ZBTB20: variants seen among roughly 807,000 people sequenced by gnomAD.
The protein encoded by ZBTB20 is zinc finger and BTB domain containing 20.
A neutral mutation model predicts 56.9 loss-of-function variants in ZBTB20; 9 were observed. The ratio of observed to expected loss-of-function variants is 0.16; its 90% CI spans 0.10 to 0.28. The LOEUF is 0.28. Among genes scored for constraint, ZBTB20 ranks in the 10% least tolerant of loss-of-function variants. The pLI is 1.00. For missense variants in ZBTB20, 655 were observed against 1,003.0 expected, an observed-to-expected ratio of 0.65 and a Z score of 4.69; for synonymous variants, 417 against 420.7, an observed-to-expected ratio of 0.99 and a Z score of 0.11.
chr3:114,394,549 G>T (rs2086173618), intron 7 of ZBTB20, among the ~76,000 whole-genome samples: 1 of 152,146 alleles, frequency 6.6e-6, no homozygotes, highest in South Asian at 2.1e-4. Flanking sequence ...TTGCAGATGA[G>T]AATGTCCTCT....
At chr3:115,084,283 G>GA in intron 1 of ZBTB20, among the ~76,000 whole-genome samples, 1 of 39,350 alleles carries the variant, frequency 2.5e-5, no homozygotes, top group South Asian at 1.6e-3. Flanking sequence ...CATGAAGAGT[G>GA]CCAAAAAAAA....
chr3:115,060,540 CA>C (rs2108474402), intron 2 of ZBTB20, among the ~76,000 whole-genome samples: 1 of 152,224 alleles, frequency 6.6e-6, no homozygotes, highest in Non-Finnish European at 1.5e-5. Flanking sequence ...CTATACTAAG[CA>C]ATTAAGTTCT....
At chr3:114,603,588 T>C (rs2056921903) in intron 6 of ZBTB20, among the ~76,000 whole-genome samples, 1 of 151,906 alleles carries the variant, frequency 6.6e-6, no homozygotes, top group African/African-American at 2.4e-5. Flanking sequence ...CAAACTTCAG[T>C]ATGGCCAAAA....
chr3:114,432,037 T>G (rs1265188771), intron 7 of ZBTB20, among the ~76,000 whole-genome samples: 2 of 152,124 alleles, frequency 1.3e-5, no homozygotes, highest in Non-Finnish European at 2.9e-5. Flanking sequence ...CTCTTTCTTA[T>G]ACAGACAGCA....
intron 3 of ZBTB20, among the ~76,000 whole-genome samples, chr3:114,968,561 T>C (rs1386597284): frequency 6.6e-6 from 1 of 151,902 alleles, no homozygotes; most frequent in Admixed American, 6.6e-5. Flanking sequence ...AGTACACACA[T>C]CCAAAAGGGA....
At chr3:114,796,201 A>C (rs541026271) in intron 5 of ZBTB20, among the ~76,000 whole-genome samples, 1 of 152,086 alleles carries the variant, frequency 6.6e-6, no homozygotes, top group South Asian at 2.1e-4. Flanking sequence ...AGGTCAAGGA[A>C]AGAAGGATTC....
intron 4 of ZBTB20, among the ~76,000 whole-genome samples, chr3:114,842,302 A>G (rs1250694699): frequency 1.3e-5 from 2 of 152,002 alleles, no homozygotes; most frequent in Non-Finnish European, 2.9e-5. Flanking sequence ...TATATTAAAA[A>G]TTTTCTCCAT....
intron 5 of ZBTB20, among the ~76,000 whole-genome samples, chr3:114,776,262 A>G (rs79636381): frequency 2.5e-5 from 3 of 120,680 alleles, no homozygotes; most frequent in Admixed American, 2.4e-4. Context: ...AATTTAAATG[A>G]AAAAAAAAAA....
chr3:115,048,203 C>T (rs1041480173), intron 2 of ZBTB20, among the ~76,000 whole-genome samples: 3 of 151,848 alleles, frequency 2.0e-5, no homozygotes, highest in Admixed American at 6.6e-5. Context: ...CCAGCCTGGG[C>T]GACAGAGCGA....
intron 6 of ZBTB20, among the ~76,000 whole-genome samples, chr3:114,552,335 A>G (rs1245958985): frequency 6.6e-6 from 1 of 152,166 alleles, no homozygotes; most frequent in Non-Finnish European, 1.5e-5. Flanking sequence ...GGTCATGAAG[A>G]GAGAAAACAT....
intron 2 of ZBTB20, among the ~76,000 whole-genome samples, chr3:115,036,635 G>A (rs181406028): frequency 6.6e-6 from 1 of 152,084 alleles, no homozygotes; most frequent in Admixed American, 6.5e-5. Flanking sequence ...GGATGGTCTC[G>A]ATCTCTTGAC....
chr3:114,927,130 C>A (rs931557061), intron 3 of ZBTB20, among the ~76,000 whole-genome samples: 2 of 152,162 alleles, frequency 1.3e-5, no homozygotes, highest in Non-Finnish European at 2.9e-5. Flanking sequence ...CAAAGTCATC[C>A]CTCTGCTCAC....
At chr3:114,691,486 T>C (rs1484205505) in intron 6 of ZBTB20, among the ~76,000 whole-genome samples, 2 of 152,116 alleles carry the variant, frequency 1.3e-5, no homozygotes, top group East Asian at 1.9e-4. Context: ...TTTGAACTTT[T>C]ATTCATTTAT....
chr3:114,389,694 C>A (rs2085600384), intron 7 of ZBTB20, among the ~76,000 whole-genome samples: 2 of 149,202 alleles, frequency 1.3e-5, no homozygotes, highest in South Asian at 4.3e-4. Flanking sequence ...TCGAGACCAT[C>A]CCAGCCAACA....
chr3:114,589,187 T>C (rs2055490937), intron 6 of ZBTB20, among the ~76,000 whole-genome samples: 1 of 152,034 alleles, frequency 6.6e-6, no homozygotes, highest in African/African-American at 2.4e-5. Flanking sequence ...CTTTCTAAAA[T>C]CCCCCCAGTG....
intron 10 of ZBTB20, 134 bp downstream of exon 10, chr3:114,380,083 G>T: frequency 1.1e-6 from 1 of 941,710 alleles, no homozygotes; most frequent in African/African-American, 1.7e-5. Context: ...AATGAAAATG[G>T]TGGCACATTA....
chr3:114,756,764 G>A (rs2056536), intron 5 of ZBTB20, among the ~76,000 whole-genome samples: 123,342 of 152,114 alleles, frequency 0.81, 51,452 homozygotes, highest in East Asian at 0.98. Context: ...GTAAAACTCA[G>A]GTAATGTGGA....
chr3:114,929,335 G>A lies in ZBTB20; in HGVS notation c.-455-28993C>T, dbSNP rs2076273198. Among the ~76,000 whole-genome samples the A allele has an allele frequency of 2.0e-5, 3 of 152,188 alleles. No homozygotes were observed. The South Asian group carries it at 6.2e-4, about 31-fold the overall frequency. ...GTTGAAGGTCAATATGTTCCTACCTGGAAAATAGGGTCCAACTACTGGGCA... is the reference window on the plus strand; with the variant it reads ...GTTGAAGGTCAATATGTTCCTACCTAGAAAATAGGGTCCAACTACTGGGCA... On this transcript the variant is annotated intron_variant, in intron 3 of 11. Coordinates refer to ENST00000675478, the MANE Select transcript of ZBTB20 (RefSeq NM_001348800.3).
chr3:114,404,694 A>G (rs2087138363), intron 7 of ZBTB20, among the ~76,000 whole-genome samples: 1 of 152,134 alleles, frequency 6.6e-6, no homozygotes, highest in South Asian at 2.1e-4. Flanking sequence ...GAGCCTGCCG[A>G]GCTAGCTTTA....
Sources: allele counts gnomAD v4.1 joint callset (sites outside exome capture counted in the v4.1 genomes callset), GRCh38; gene constraint gnomAD v4.1.1; transcripts MANE v1.5; gene names NCBI Gene and HGNC (gene_info 2026-07-23, HGNC 2026-07-21).